ELAPOR2: variants seen among roughly 807,000 people sequenced by gnomAD.
ELAPOR2 encodes endosome-lysosome associated apoptosis and autophagy regulator family member 2, also known as endosome/lysosome-associated apoptosis and autophagy regulator family member 2.
In ELAPOR2, 89 loss-of-function variants were observed where a neutral mutation model predicts 120.7. That is an observed-to-expected ratio of 0.74 (90% confidence interval 0.62 to 0.88). The LOEUF is 0.88. ELAPOR2 is among the 40% of genes least tolerant of loss of function. ELAPOR2 has a pLI of 0.00. For synonymous variants in ELAPOR2, 444 were observed against 444.9 expected (o/e 1.00, Z 0.03); for missense variants, 1,134 against 1,251.6 (o/e 0.91, Z 1.42).
chr7:86,892,715 C>T (rs1254679734), intron 20 of ELAPOR2, among the ~76,000 whole-genome samples: 1 of 152,038 alleles, frequency 6.6e-6, no homozygotes, highest in Non-Finnish European at 1.5e-5. Context: ...ACTCAATGAT[C>T]TCTAATGTTC....
At chr7:86,903,352 C>A (rs572740824) in intron 18 of ELAPOR2, among the ~76,000 whole-genome samples, 1 of 152,050 alleles carries the variant, frequency 6.6e-6, no homozygotes, top group African/African-American at 2.4e-5. Context: ...TTTTAATATT[C>A]TAAGAACGTA....
At chr7:86,920,409 A>G (rs778667173) in intron 10 of ELAPOR2, among the ~76,000 whole-genome samples, 13 of 152,060 alleles carry the variant, frequency 8.5e-5, no homozygotes, top group Admixed American at 4.6e-4. Flanking sequence ...GTTTAAAGAG[A>G]CTGTAAACTT....
intron 1 of ELAPOR2, among the ~76,000 whole-genome samples, chr7:87,016,927 C>A (rs1307536860): frequency 6.6e-6 from 1 of 151,920 alleles, no homozygotes; most frequent in Non-Finnish European, 1.5e-5. Flanking sequence ...AAAAAGTAAC[C>A]AAAACCCAAC....
At position 86,893,193 on chromosome 7, in the gene ELAPOR2, A is replaced by G; in HGVS notation, c.2686-93T>C. The G allele has an allele frequency of 3.0e-6, 3 of 986,982 alleles. No homozygotes were observed. In the East Asian group the frequency reaches 8.5e-5, roughly 28 times the overall value. 61.1% of individuals were successfully genotyped at this position (986,982 alleles called of 1,614,324 possible). On this transcript the variant is annotated intron_variant, in intron 19 of 21. Transcript: ENST00000450689. ...TAGATTTGTCACTGGTCAATTTCTT[A>G]CATAAAAGAAGAAAGGGTTTTGCTA...
chr7:87,040,680 G>T (rs1044570819), intron 1 of ELAPOR2, among the ~76,000 whole-genome samples: 1 of 152,230 alleles, frequency 6.6e-6, no homozygotes, highest in Non-Finnish European at 1.5e-5. Flanking sequence ...GAACAGAACA[G>T]CTGGAAACTC....
At chr7:87,037,455 G>T (rs1329182476) in intron 1 of ELAPOR2, among the ~76,000 whole-genome samples, 5 of 151,714 alleles carry the variant, frequency 3.3e-5, no homozygotes, top group Non-Finnish European at 7.4e-5. Flanking sequence ...AGACTGAAAT[G>T]TATCACTCGG....
At chr7:86,894,029 T>C (rs1788322514) in intron 19 of ELAPOR2, among the ~76,000 whole-genome samples, 1 of 152,104 alleles carries the variant, frequency 6.6e-6, no homozygotes, top group South Asian at 2.1e-4. Flanking sequence ...ATGGTCATTT[T>C]ATCAACACTC....
intron 1 of ELAPOR2, among the ~76,000 whole-genome samples, chr7:87,035,246 A>G (rs1208656167): frequency 6.6e-6 from 1 of 152,222 alleles, no homozygotes; most frequent in Non-Finnish European, 1.5e-5. Flanking sequence ...TCAGTAAATT[A>G]GAACTCATGG....
At chr7:86,993,573 TG>T (rs1793025340) in intron 1 of ELAPOR2, among the ~76,000 whole-genome samples, 1 of 152,246 alleles carries the variant, frequency 6.6e-6, no homozygotes, top group African/African-American at 2.4e-5. Context: ...TACCTACTGA[TG>T]CTGATAAATC....
intron 1 of ELAPOR2, among the ~76,000 whole-genome samples, chr7:86,979,667 A>C (rs74425367): frequency 0.039 from 5,943 of 152,298 alleles, 133 homozygotes; most frequent in Non-Finnish European, 0.054. Context: ...ATAGAGTAAT[A>C]AAAGAAGAAA....
intron 8 of ELAPOR2, among the ~76,000 whole-genome samples, chr7:86,937,271 C>T (rs1790599103): frequency 6.6e-6 from 1 of 151,844 alleles, no homozygotes; most frequent in Admixed American, 6.6e-5. Flanking sequence ...ACTTAAGGAC[C>T]TAAGATAATA....
Position 86,927,980 on chromosome 7 carries a change from T to C in ELAPOR2, c.1090-1064A>G, listed in dbSNP as rs1222326609. On this transcript the variant is annotated intron_variant, in intron 8 of 21. Transcript: ENST00000450689. The stretch of plus-strand genomic sequence containing the variant: ...GCTATTTCCAGTTAGTAGAAAATCA[T>C]GTATAATAACTCCTTTAGGCTACCC... Among the ~76,000 whole-genome samples, 4 of 152,152 alleles carry C rather than the reference T, an allele frequency of 2.6e-5. No individual in the cohort carries two copies. In the East Asian group the frequency reaches 7.8e-4, roughly 30 times the overall value.
chr7:86,977,369 A>C (rs1792316740), intron 1 of ELAPOR2, among the ~76,000 whole-genome samples: 1 of 152,144 alleles, frequency 6.6e-6, no homozygotes. Context: ...AAATCTAAAA[A>C]CTTCATAAAC....
chr7:87,029,019 T>C (rs1422965385), intron 1 of ELAPOR2, among the ~76,000 whole-genome samples: 1 of 152,222 alleles, frequency 6.6e-6, no homozygotes, highest in African/African-American at 2.4e-5. Flanking sequence ...ATTATTCAAA[T>C]GCTGTAACAT....
At chr7:86,891,977 C>T in intron 20 of ELAPOR2, 88 bp from the exon 21 acceptor site, 1 of 835,100 alleles carries the variant, frequency 1.2e-6, no homozygotes, top group East Asian at 2.8e-5. Context: ...TATACCAGCT[C>T]ATTAAATTGA....
At chr7:86,954,183 G>A (rs1204179806) in intron 2 of ELAPOR2, among the ~76,000 whole-genome samples, 1 of 152,104 alleles carries the variant, frequency 6.6e-6, no homozygotes, top group African/African-American at 2.4e-5. Flanking sequence ...TGAGACTCTG[G>A]AAGCCACTCT....
intron 1 of ELAPOR2, among the ~76,000 whole-genome samples, chr7:87,039,937 G>A (rs1794713923): frequency 6.6e-6 from 1 of 152,178 alleles, no homozygotes; most frequent in Non-Finnish European, 1.5e-5. Context: ...CCAAAGCAGG[G>A]TGAGGCATTG....
chr7:86,986,806 A>T (rs1345433310), intron 1 of ELAPOR2, among the ~76,000 whole-genome samples: 10 of 151,434 alleles, frequency 6.6e-5, no homozygotes, highest in African/African-American at 2.4e-4. Context: ...CATCTCTATC[A>T]AGCTACCAAT....
Position 86,926,915 on chromosome 7 carries a change from G to C in ELAPOR2, c.1091C>G (p.Thr364Arg), listed in dbSNP as rs756926535. The C allele has an allele frequency of 5.1e-6, 3 of 589,576 alleles. No individual in the cohort carries two copies. Among genetic ancestry groups the C allele is most frequent in the Non-Finnish European group, 6.9e-6 (3 of 431,714 alleles). The allele number at this position is 589,576 out of a possible 1,614,324, so 36.5% of individuals were successfully genotyped here. A position where few individuals can be genotyped will look rare whatever the true frequency, so the allele number is the denominator to read the frequency against. Residue 364 changes from threonine to arginine, a missense_variant and splice_region_variant, in exon 9 of 22, where the codon ACA becomes AGA. Around this residue, in one of 3 missense-constraint regions of ELAPOR2, gnomAD observed 831 missense variants for 867.6 expected, o/e 0.96. Coordinates refer to ENST00000450689, the MANE Select transcript of ELAPOR2 (RefSeq NM_001142749.3). ...IHTPCDEEGK[T>R]QIMYKWIEPK... is the part of the protein sequence containing the mutation. ...CTCTATCCACTTGTACATTATCTGT[G>C]TCTACAAAAAAAAAAAAAAAAAAAA...
Sources: gnomAD v4.1 joint callset for allele counts (sites outside exome capture counted in the v4.1 genomes callset) on GRCh38, gnomAD v4.1.1 for gene constraint, gnomAD v4.1.1 regional missense constraint, MANE v1.5 for transcripts, NCBI Gene and HGNC (gene_info 2026-07-23, HGNC 2026-07-21) for gene names.